The following SGCZ variants were observed in gnomAD, a reference collection of about 807,000 sequenced individuals.
SGCZ encodes the protein zeta-sarcoglycan.
In SGCZ, 40 loss-of-function variants were observed where a neutral mutation model predicts 41.3. That is an observed-to-expected ratio of 0.97 (90% CI 0.75 to 1.26). SGCZ has a LOEUF of 1.26. SGCZ is among the 50% of genes most tolerant of loss of function. The probability of loss-of-function intolerance (pLI) is 0.00; values close to 1 mark genes in which losing one functional copy is unlikely to be tolerated. For missense variants in SGCZ, 552 were observed against 369.8 expected (o/e 1.49, Z -4.04); for synonymous variants, 206 against 137.5 (o/e 1.50, Z -3.49).
intron 1 of SGCZ, among the ~76,000 whole-genome samples, chr8:14,587,550 G>T (rs1805101077): frequency 6.6e-6 from 1 of 152,120 alleles, no homozygotes; most frequent in South Asian, 2.1e-4. Context: ...TTTATATATT[G>T]TTAGTAACTC....
intron 2 of SGCZ, among the ~76,000 whole-genome samples, chr8:14,488,385 A>G (rs1801740479): frequency 1.5e-5 from 2 of 136,110 alleles, no homozygotes; most frequent in South Asian, 2.4e-4. Flanking sequence ...AGAGACCACA[A>G]TGGCCTTAAC....
At chr8:14,464,795 T>A (rs541235389) in intron 2 of SGCZ, among the ~76,000 whole-genome samples, 1 of 151,692 alleles carries the variant, frequency 6.6e-6, no homozygotes, top group Non-Finnish European at 1.5e-5. Flanking sequence ...TCTATTTCCA[T>A]TCACCTCTAA....
chr8:14,543,084 T>C (rs930085505), intron 2 of SGCZ, among the ~76,000 whole-genome samples: 1 of 151,944 alleles, frequency 6.6e-6, no homozygotes, highest in Non-Finnish European at 1.5e-5. Flanking sequence ...TGCTTGGATA[T>C]TTTATTTAGG....
intron 2 of SGCZ, among the ~76,000 whole-genome samples, chr8:14,375,242 T>C (rs1804072071): frequency 6.6e-6 from 1 of 152,326 alleles, no homozygotes; most frequent in South Asian, 2.1e-4. Context: ...ATAACAGTTG[T>C]GCACTGAATA....
chr8:14,951,018 G>A (rs1358595079), intron 1 of SGCZ, among the ~76,000 whole-genome samples: 2 of 151,986 alleles, frequency 1.3e-5, no homozygotes, highest in African/African-American at 2.4e-5. Context: ...AATGAGTAGT[G>A]CTTCTGTTAG....
At chr8:14,885,444 CAT>C (rs1053125077) in intron 1 of SGCZ, among the ~76,000 whole-genome samples, 3 of 152,046 alleles carry the variant, frequency 2.0e-5, no homozygotes, top group African/African-American at 7.2e-5. Flanking sequence ...CTATGCAAAA[CAT>C]GTAATTAATT....
At chr8:14,095,916 G>C (rs77573434) in intron 7 of SGCZ, among the ~76,000 whole-genome samples, 2 of 152,070 alleles carry the variant, frequency 1.3e-5, no homozygotes, top group African/African-American at 2.4e-5. Flanking sequence ...TCTGTTATTG[G>C]TGTATAATTA....
At chr8:14,438,291 G>C (rs2035140) in intron 2 of SGCZ, among the ~76,000 whole-genome samples, 33,150 of 151,834 alleles carry the variant, frequency 0.22, 4,318 homozygotes, top group Non-Finnish European at 0.3. Context: ...AATTTTAGAA[G>C]AAAAAGGTCA....
intron 1 of SGCZ, among the ~76,000 whole-genome samples, chr8:14,702,311 T>A (rs536649429): frequency 5.3e-5 from 8 of 152,084 alleles, no homozygotes; most frequent in African/African-American, 1.7e-4. Flanking sequence ...GACACTTTTC[T>A]TGCGCCGACA....
intron 1 of SGCZ, among the ~76,000 whole-genome samples, chr8:14,584,733 T>A (rs1478023796): frequency 4.0e-5 from 6 of 151,864 alleles, no homozygotes; most frequent in Non-Finnish European, 7.4e-5. Flanking sequence ...TAATTACACA[T>A]AAAGAAGGGA....
At chr8:14,223,834 G>T (rs937099261) in intron 4 of SGCZ, among the ~76,000 whole-genome samples, 1 of 152,134 alleles carries the variant, frequency 6.6e-6, no homozygotes, top group Non-Finnish European at 1.5e-5. Flanking sequence ...ACTACCTTCT[G>T]CTTTTTCTCC....
At chr8:15,184,805 C>T (rs1259563657) in intron 1 of SGCZ, among the ~76,000 whole-genome samples, 1 of 152,148 alleles carries the variant, frequency 6.6e-6, no homozygotes, top group Non-Finnish European at 1.5e-5. Context: ...TACCTGCAGC[C>T]TTGTAATGGC....
chr8:15,118,487 C>T (rs1407824154), intron 1 of SGCZ, among the ~76,000 whole-genome samples: 1 of 152,084 alleles, frequency 6.6e-6, no homozygotes, highest in Non-Finnish European at 1.5e-5. Context: ...GTTGATCACT[C>T]CACCTTCCAG....
chr8:14,788,685 C>G (rs936691244), intron 1 of SGCZ, among the ~76,000 whole-genome samples: 2 of 152,098 alleles, frequency 1.3e-5, no homozygotes, highest in Non-Finnish European at 2.9e-5. Context: ...CTTTTTGTTA[C>G]CAACAATTAT....
At chr8:14,323,000 C>T (rs377076997) in intron 3 of SGCZ, among the ~76,000 whole-genome samples, 1 of 152,048 alleles carries the variant, frequency 6.6e-6, no homozygotes, top group African/African-American at 2.4e-5. Flanking sequence ...GGTATTCATA[C>T]ATCTGTCTAC....
At chr8:14,696,338 G>T (rs1295290650) in intron 1 of SGCZ, among the ~76,000 whole-genome samples, 1 of 152,050 alleles carries the variant, frequency 6.6e-6, no homozygotes, top group Non-Finnish European at 1.5e-5. Flanking sequence ...TGAACGCAAA[G>T]ATTCTCCCCT....
chr8:14,423,912 C>T (rs937784014), intron 2 of SGCZ, among the ~76,000 whole-genome samples: 5 of 151,966 alleles, frequency 3.3e-5, no homozygotes, highest in African/African-American at 9.7e-5. Flanking sequence ...AAGTACCAAA[C>T]ATATTCAGGT....
At chr8:14,833,312 G>C (rs1002258719) in intron 1 of SGCZ, among the ~76,000 whole-genome samples, 3 of 152,034 alleles carry the variant, frequency 2.0e-5, no homozygotes, top group Non-Finnish European at 4.4e-5. Flanking sequence ...GGAGGCTGTT[G>C]TCAACTGGAA....
chr8:14,600,726 C>T (rs897002628), intron 1 of SGCZ, among the ~76,000 whole-genome samples: 1 of 152,110 alleles, frequency 6.6e-6, no homozygotes, highest in Non-Finnish European at 1.5e-5. Context: ...AAAAAATATA[C>T]ACATGCATCA....
Sources: gnomAD v4.1 joint callset for allele counts (sites outside exome capture counted in the v4.1 genomes callset) on GRCh38, gnomAD v4.1.1 for gene constraint, MANE v1.5 for transcripts, NCBI Gene and HGNC (gene_info 2026-07-23, HGNC 2026-07-21) for gene names.